Variants in MAP2K4 observed in about 807,000 individuals in gnomAD.
MAP2K4 encodes the protein mitogen-activated protein kinase kinase 4.
MAP2K4 carries 4 observed loss-of-function variants against 48.5 expected under a neutral mutation model. The ratio of observed to expected loss-of-function variants is 0.08; its 90% CI spans 0.04 to 0.19. The LOEUF is 0.19. Among genes scored for constraint, MAP2K4 ranks in the 10% least tolerant of loss-of-function variants. MAP2K4 has a pLI of 1.00. For synonymous variants in MAP2K4, 166 were observed against 173.1 expected (o/e 0.96, Z 0.32); for missense variants, 258 against 493.3 (o/e 0.52, Z 4.52).
intron 1 of MAP2K4, among the ~76,000 whole-genome samples, chr17:12,048,747 C>T (rs999988025): frequency 9.9e-5 from 15 of 152,128 alleles, no homozygotes; most frequent in East Asian, 1.9e-4. Flanking sequence ...ACCTATACCT[C>T]CTGGGTTCAA....
intron 2 of MAP2K4, among the ~76,000 whole-genome samples, chr17:12,076,058 C>T (rs1486924566): frequency 1.3e-5 from 2 of 152,024 alleles, no homozygotes; most frequent in African/African-American, 4.8e-5. Flanking sequence ...GCTGAATTTG[C>T]ACAGCAAACA....
chr17:12,030,563 A>G (rs548020881), intron 1 of MAP2K4, among the ~76,000 whole-genome samples: 9 of 152,344 alleles, frequency 5.9e-5, no homozygotes, highest in African/African-American at 2.2e-4. Flanking sequence ...TTAATGTGTT[A>G]GAGCAATCAT....
At chr17:12,110,329 TA>T (rs1567664825) in intron 5 of MAP2K4, 45 bp from the exon 6 acceptor site, 1 of 1,359,982 alleles carries the variant, frequency 7.4e-7, no homozygotes, top group East Asian at 2.3e-5. Context: ...GCTGTTTGAA[TA>T]AAAAGAAACA....
chr17:12,049,444 T>G (rs1044078673), intron 1 of MAP2K4, among the ~76,000 whole-genome samples: 57 of 152,338 alleles, frequency 3.7e-4, no homozygotes, highest in African/African-American at 1.3e-3. Context: ...TCCTTTCGCA[T>G]GTGAGTAGTT....
At chr17:12,025,715 T>G (rs1239561560) in intron 1 of MAP2K4, among the ~76,000 whole-genome samples, 1 of 152,164 alleles carries the variant, frequency 6.6e-6, no homozygotes, top group Admixed American at 6.5e-5. Context: ...TGATTCTGCT[T>G]TAGAAAACAC....
At chr17:12,117,987 T>C (rs533388782) in intron 7 of MAP2K4, among the ~76,000 whole-genome samples, 1 of 152,216 alleles carries the variant, frequency 6.6e-6, no homozygotes, top group Non-Finnish European at 1.5e-5. Flanking sequence ...ACACATGCCA[T>C]TTGATGGTAT....
chr17:12,114,779 T>C (rs992470634), intron 7 of MAP2K4, among the ~76,000 whole-genome samples: 3 of 152,184 alleles, frequency 2.0e-5, no homozygotes, highest in Non-Finnish European at 2.9e-5. Context: ...AGTAGAATAT[T>C]TTGAATTCAG....
rs1054632105 is a variant in MAP2K4 at position 12,116,282 on chromosome 17, G to A, written c.813+2922G>A. ...ATAAAGAATGGTTCACTGGTATAAG[G>A]CACTAATCATGAATGGAGCTTACAG... is the stretch of plus-strand genomic sequence containing the variant. On this transcript the variant is annotated intron_variant, in intron 7 of 10. Coordinates refer to ENST00000353533, the MANE Select transcript of MAP2K4 (RefSeq NM_003010.4). Among the ~76,000 whole-genome samples the A allele has an allele frequency of 3.3e-5, 5 of 152,146 alleles. No individual in the cohort carries two copies. In the South Asian group the frequency reaches 1.0e-3, roughly 31 times the overall value.
Position 12,081,602 on chromosome 17 carries a change from G to A in MAP2K4, c.393+72G>A. 7.0e-7 allele frequency: 1 copy of A among 1,435,980 alleles called. No homozygotes were observed. The highest frequency in any genetic ancestry group is 1.3e-5 in the South Asian group (1 of 78,018). 89.0% of individuals were successfully genotyped at this position (1,435,980 alleles called of 1,614,324 possible). Reference sequence around the variant, plus strand: ...AATTTCATGGTGCAGTAATACCACTGTTGTTGTGTTCCTACTTTTGTGGTA... The same window carrying A: ...AATTTCATGGTGCAGTAATACCACTATTGTTGTGTTCCTACTTTTGTGGTA... On this transcript the variant is annotated intron_variant, in intron 3 of 10. Transcript: ENST00000353533. The surrounding 1 kb of genome is among the most constrained non-coding windows in gnomAD (Gnocchi z 4.2).
intron 2 of MAP2K4, among the ~76,000 whole-genome samples, chr17:12,073,495 A>G (rs536066233): frequency 7.2e-5 from 11 of 152,314 alleles, no homozygotes; most frequent in Middle Eastern, 6.8e-3. Context: ...TTTGTAATAT[A>G]CTAAGCCTTA....
intron 1 of MAP2K4, among the ~76,000 whole-genome samples, chr17:12,022,435 T>C (rs1969112755): frequency 6.6e-6 from 1 of 152,198 alleles, no homozygotes; most frequent in Non-Finnish European, 1.5e-5. Flanking sequence ...TTCCTGACTG[T>C]ACAGCTTTAC....
chr17:12,124,043 G>A (rs1484741698), intron 7 of MAP2K4, among the ~76,000 whole-genome samples: 1 of 150,978 alleles, frequency 6.6e-6, no homozygotes, highest in African/African-American at 2.4e-5. Flanking sequence ...GGATTTTAAT[G>A]TGTACCTTAT....
chr17:12,087,599 G>A (rs1366562098), intron 3 of MAP2K4, among the ~76,000 whole-genome samples: 1 of 150,576 alleles, frequency 6.6e-6, no homozygotes, highest in East Asian at 1.9e-4. Context: ...TCCCCAGTGA[G>A]AAGAATGGGG....
At chr17:12,120,540 C>CT (rs1039128812) in intron 7 of MAP2K4, among the ~76,000 whole-genome samples, 8 of 140,974 alleles carry the variant, frequency 5.7e-5, no homozygotes, top group Non-Finnish European at 1.1e-4. Context: ...TCATTCCCCC[C>CT]CCCATAAAAA....
At chr17:12,055,403 A>G (rs963715676) in intron 2 of MAP2K4, among the ~76,000 whole-genome samples, 9 of 152,122 alleles carry the variant, frequency 5.9e-5, no homozygotes, top group Non-Finnish European at 8.8e-5. Context: ...ACATAAAGCA[A>G]TACCTTCAGA....
chr17:12,045,184 A>AT (rs938045094), intron 1 of MAP2K4, among the ~76,000 whole-genome samples: 33 of 149,546 alleles, frequency 2.2e-4, no homozygotes, highest in African/African-American at 5.1e-4. Context: ...TGTTGTACAC[A>AT]TTTTTTTTTT....
rs28918109 is a variant in MAP2K4 at position 12,052,924 on chromosome 17, TAC to T, written c.116-1963_116-1962del. Among the ~76,000 whole-genome samples the T allele has an allele frequency of 7.3e-3, 1,105 of 152,240 alleles. 15 individuals carry two copies. The highest frequency in any genetic ancestry group is 0.026 in the African/African-American group (1,067 of 41,534). The stretch of plus-strand genomic sequence containing the variant: ...ATTCATATCCTTCCCATGTGCAAAA[TAC>T]ATTTACCCTACCCCAGCGTCTCCAA... On this transcript the variant is annotated intron_variant, in intron 1 of 10. Transcript: ENST00000353533.
chr17:12,072,416 A>G (rs28918122), intron 2 of MAP2K4, among the ~76,000 whole-genome samples: 6 of 152,316 alleles, frequency 3.9e-5, no homozygotes, highest in African/African-American at 9.6e-5. Context: ...GTGACCATGT[A>G]TATTCTGAAT....
Position 12,142,397 on chromosome 17 carries a change from G to A in MAP2K4, c.*1137G>A, listed in dbSNP as rs1973400301. On this transcript the variant is annotated 3_prime_UTR_variant, in exon 11 of 11. Coordinates refer to ENST00000353533, the MANE Select transcript of MAP2K4 (RefSeq NM_003010.4). ...TTCCCCTGTGGTCTATTGTCGCTAT[G>A]TGACTTGCGCTTAATCCAATATTTT... 1 of 233,060 alleles carries A rather than the reference G, an allele frequency of 4.3e-6. No homozygotes were observed. The highest frequency in any genetic ancestry group is 8.5e-6 in the Non-Finnish European group (1 of 117,952). The allele number at this position is 233,060 out of a possible 1,614,324, so 14.4% of individuals were successfully genotyped here.
Sources: gnomAD v4.1 joint callset for allele counts (sites outside exome capture counted in the v4.1 genomes callset) on GRCh38, gnomAD v4.1.1 for gene constraint, Gnocchi (gnomAD v3.1) non-coding constraint, MANE v1.5 for transcripts, NCBI Gene and HGNC (gene_info 2026-07-23, HGNC 2026-07-21) for gene names.